The following CNTNAP5 variants were observed in gnomAD, a reference collection of about 807,000 sequenced individuals.
CNTNAP5 encodes the protein contactin associated protein family member 5.
A neutral mutation model predicts 150.2 loss-of-function variants in CNTNAP5; 72 were observed. That is an observed-to-expected ratio of 0.48 (90% CI 0.40 to 0.58). The LOEUF is 0.58. Ranked by LOEUF, CNTNAP5 falls within the 20% of genes least tolerant of loss-of-function variation. CNTNAP5 has a pLI of 0.00. For missense variants in CNTNAP5, 1,636 were observed against 1,626.2 expected (o/e 1.01, Z -0.10); for synonymous variants, 672 against 619.8 (o/e 1.08, Z -1.25).
chr2:124,826,727 ATCC>A (rs1371184928), intron 19 of CNTNAP5, among the ~76,000 whole-genome samples: 3 of 152,012 alleles, frequency 2.0e-5, no homozygotes, highest in Non-Finnish European at 4.4e-5. Context: ...CCTCTAGGTG[ATCC>A]TCCTATTTGA....
intron 14 of CNTNAP5, among the ~76,000 whole-genome samples, chr2:124,761,907 G>A (rs1283122179): frequency 6.6e-6 from 1 of 152,084 alleles, no homozygotes; most frequent in Non-Finnish European, 1.5e-5. Flanking sequence ...TGGAAAAGAT[G>A]CCAGAATGTG....
At chr2:124,701,037 G>A (rs1679510351) in intron 13 of CNTNAP5, among the ~76,000 whole-genome samples, 1 of 151,896 alleles carries the variant, frequency 6.6e-6, no homozygotes, top group South Asian at 2.1e-4. Context: ...TACTAGTTTA[G>A]CATGAATCCC....
intron 13 of CNTNAP5, among the ~76,000 whole-genome samples, chr2:124,655,431 T>C (rs973209095): frequency 5.3e-5 from 8 of 152,112 alleles, no homozygotes; most frequent in Admixed American, 5.2e-4. Context: ...TCTTTGTTAC[T>C]GTAAATAGTG....
intron 11 of CNTNAP5, among the ~76,000 whole-genome samples, chr2:124,587,450 T>C (rs1351452086): frequency 1.3e-5 from 2 of 152,234 alleles, no homozygotes; most frequent in Non-Finnish European, 2.9e-5. Flanking sequence ...CCATATGTTA[T>C]ACCCAGATAT....
intron 10 of CNTNAP5, among the ~76,000 whole-genome samples, chr2:124,561,080 G>A (rs140260669): frequency 1.3e-5 from 2 of 152,068 alleles, no homozygotes; most frequent in African/African-American, 4.8e-5. Context: ...ACTATCATTT[G>A]CTCATATGGA....
chr2:124,092,288 T>C (rs1191814916), intron 1 of CNTNAP5, among the ~76,000 whole-genome samples: 2 of 152,200 alleles, frequency 1.3e-5, no homozygotes, highest in Non-Finnish European at 2.9e-5. Context: ...ACGATAGCCA[T>C]CAAGTAGTCC....
intron 1 of CNTNAP5, among the ~76,000 whole-genome samples, chr2:124,073,694 CT>C (rs1206157830): frequency 6.6e-6 from 1 of 151,994 alleles, no homozygotes; most frequent in Non-Finnish European, 1.5e-5. Context: ...ATAACCAATG[CT>C]GGCAAGGATG....
At chr2:124,365,082 G>A (rs556870998) in intron 3 of CNTNAP5, among the ~76,000 whole-genome samples, 13 of 152,076 alleles carry the variant, frequency 8.5e-5, no homozygotes, top group Non-Finnish European at 1.2e-4. Flanking sequence ...CCTAATAGCC[G>A]ATAAGAAAAG....
chr2:124,571,597 A>C (rs551536379), intron 11 of CNTNAP5, among the ~76,000 whole-genome samples: 6 of 115,050 alleles, frequency 5.2e-5, no homozygotes, highest in Admixed American at 1.3e-4. Context: ...CAGTGGTGCG[A>C]TCTTGGCTCA....
At chr2:124,813,169 T>C (rs1156689010) in intron 19 of CNTNAP5, among the ~76,000 whole-genome samples, 1 of 151,078 alleles carries the variant, frequency 6.6e-6, no homozygotes, top group African/African-American at 2.4e-5. Flanking sequence ...CTCCACCTCC[T>C]GGGTTCACGC....
intron 11 of CNTNAP5, among the ~76,000 whole-genome samples, chr2:124,589,796 A>C (rs535040330): frequency 5.3e-5 from 8 of 152,334 alleles, no homozygotes; most frequent in African/African-American, 1.9e-4. Flanking sequence ...TTTTAACCAC[A>C]TGTAGACTTG....
intron 1 of CNTNAP5, among the ~76,000 whole-genome samples, chr2:124,183,858 T>C (rs1685266128): frequency 6.6e-6 from 1 of 152,190 alleles, no homozygotes; most frequent in South Asian, 2.1e-4. Context: ...GGTAATTACA[T>C]TCAGTTGGTG....
intron 12 of CNTNAP5, among the ~76,000 whole-genome samples, chr2:124,610,954 CA>C (rs57941026): frequency 0.086 from 12,182 of 141,036 alleles, 546 homozygotes; most frequent in Non-Finnish European, 0.1. Flanking sequence ...GACACCGTCT[CA>C]AAAAAAAAAA....
chr2:124,094,441 GC>G (rs1280592136), intron 1 of CNTNAP5, among the ~76,000 whole-genome samples: 1 of 152,132 alleles, frequency 6.6e-6, no homozygotes, highest in Non-Finnish European at 1.5e-5. Flanking sequence ...GGGTCTCTGG[GC>G]TGAGAGGCCA....
Position 124,682,770 on chromosome 2 carries a change from A to G in CNTNAP5, c.2077+34812A>G, listed in dbSNP as rs544998237. Among the ~76,000 whole-genome samples the G allele has an allele frequency of 4.6e-5, 7 of 152,274 alleles. No individual in the cohort carries two copies. In the South Asian group the frequency reaches 1.5e-3, roughly 32 times the overall value. On this transcript the variant is annotated intron_variant, in intron 13 of 23. Coordinates refer to ENST00000682447, the MANE Select transcript of CNTNAP5 (RefSeq NM_001367498.1). Reference sequence around the variant, plus strand: ...CTCAATCTGCAATTCTGGAAGAGGTAGTGAATGTGTAGTTTTGAACTTGTG... The same window carrying G: ...CTCAATCTGCAATTCTGGAAGAGGTGGTGAATGTGTAGTTTTGAACTTGTG...
At position 124,302,931 on chromosome 2, in the gene CNTNAP5, A is replaced by G. The variant is rs542396391; in HGVS notation, c.381+60538A>G. 9.9e-5 allele frequency among the ~76,000 whole-genome samples: 15 copies of G among 152,244 alleles called. No homozygotes were observed. The East Asian group carries it at 2.9e-3, about 29-fold the overall frequency. ...TGGATCTTGCATGTTTACTGCTCAG[A>G]GCTTCTTCCTAGGAATTAAATCCTT... On this transcript the variant is annotated intron_variant, in intron 3 of 23. Coordinates refer to ENST00000682447, the MANE Select transcript of CNTNAP5 (RefSeq NM_001367498.1).
intron 13 of CNTNAP5, among the ~76,000 whole-genome samples, chr2:124,742,960 C>T (rs1031907057): frequency 1.3e-5 from 2 of 152,106 alleles, no homozygotes; most frequent in African/African-American, 4.8e-5. Context: ...AGCCAAGGAG[C>T]TGGCCTCACA....
At chr2:124,047,045 A>G (rs1681557640) in intron 1 of CNTNAP5, among the ~76,000 whole-genome samples, 1 of 152,212 alleles carries the variant, frequency 6.6e-6, no homozygotes, top group Non-Finnish European at 1.5e-5. Context: ...TATCAATCAC[A>G]GCCTAAGAAT....
At chr2:124,840,786 A>G (rs997022331) in intron 19 of CNTNAP5, among the ~76,000 whole-genome samples, 3 of 152,106 alleles carry the variant, frequency 2.0e-5, no homozygotes, top group Non-Finnish European at 4.4e-5. Context: ...CTAATTGACC[A>G]TCATTTATAC....
Sources: allele counts gnomAD v4.1 joint callset (sites outside exome capture counted in the v4.1 genomes callset), GRCh38; gene constraint gnomAD v4.1.1; transcripts MANE v1.5; gene names NCBI Gene and HGNC (gene_info 2026-07-23, HGNC 2026-07-21).